Variants in TBCD observed in about 807,000 individuals in gnomAD.
TBCD encodes the protein tubulin folding cofactor D, also known as tubulin-specific chaperone D.
TBCD carries 105 observed loss-of-function variants against 169.3 expected under a neutral mutation model. The observed-to-expected ratio is 0.62, with a 90% CI of 0.53 to 0.73. The LOEUF (loss-of-function observed/expected upper bound fraction) is 0.73. Among genes scored for constraint, TBCD ranks in the 30% least tolerant of loss-of-function variants. TBCD has a pLI of 0.00. For missense variants in TBCD, 1,444 were observed against 1,600.1 expected, an observed-to-expected ratio of 0.90 and a Z score of 1.66; for synonymous variants, 700 against 643.9, an observed-to-expected ratio of 1.09 and a Z score of -1.32.
At chr17:82,881,953 A>G (rs374427690) in intron 14 of TBCD, among the ~76,000 whole-genome samples, 3 of 150,800 alleles carry the variant, frequency 2.0e-5, no homozygotes, top group East Asian at 3.9e-4. Flanking sequence ...TCCTAGGCAG[A>G]GCCTGTGAGA....
At chr17:82,862,502 A>T (rs2056853276) in intron 13 of TBCD, among the ~76,000 whole-genome samples, 1 of 151,946 alleles carries the variant, frequency 6.6e-6, no homozygotes, top group Non-Finnish European at 1.5e-5. Flanking sequence ...TTGGGTGAAT[A>T]ATGTGTGATG....
chr17:82,756,169 A>C lies in TBCD; in HGVS notation c.189A>C (p.Ile63=). Reference sequence around the variant, plus strand: ...TCATGTTATATTTGTTTTTAGTAATAATGGACAAATACCAGGAGCAGCCTC... The same window carrying C: ...TCATGTTATATTTGTTTTTAGTAATCATGGACAAATACCAGGAGCAGCCTC... ...REVALERFRV[I]MDKYQEQPHL... The change falls in exon 2 of 39, where the codon ATA becomes ATC. Residue 63 remains isoleucine, a synonymous_variant. Coordinates refer to ENST00000355528, the MANE Select transcript of TBCD (RefSeq NM_005993.5). The C allele has an allele frequency of 6.2e-7, 1 of 1,608,208 alleles. No individual in the cohort carries two copies. Among genetic ancestry groups the C allele is most frequent in the Admixed American group, 1.7e-5 (1 of 59,242 alleles).
chr17:82,902,477 C>T (rs1327565882), intron 18 of TBCD, among the ~76,000 whole-genome samples: 1 of 152,238 alleles, frequency 6.6e-6, no homozygotes, highest in African/African-American at 2.4e-5. Context: ...CGATGGTCTT[C>T]TAGACAGCAT....
At chr17:82,840,785 A>G (rs1421448637) in intron 13 of TBCD, among the ~76,000 whole-genome samples, 1 of 152,120 alleles carries the variant, frequency 6.6e-6, no homozygotes, top group East Asian at 1.9e-4. Context: ...TGCTTGCTTA[A>G]TCGGAGGCCG....
At position 82,768,430 on chromosome 17, in the gene TBCD, C is replaced by G; in HGVS notation, c.446C>G (p.Thr149Ser). 6.2e-7 allele frequency: 1 copy of G among 1,613,880 alleles called. No homozygotes were observed. Among genetic ancestry groups the G allele is most frequent in the South Asian group, 1.1e-5 (1 of 91,066 alleles). The change falls in exon 5 of 39, where the codon ACC becomes AGC. Residue 149 changes from threonine to serine, a missense_variant. Thr to Ser is a moderately conservative substitution (Grantham distance 58). Transcript: ENST00000355528. Reference protein sequence around the residue: ...QNPKDHEAWETRYMLLLWLSV... With the variant: ...QNPKDHEAWESRYMLLLWLSV... ...GGTTTAATTTTTTAGGCTTGGGAAACCCGCTACATGCTTTTGCTCTGGCTC... is the reference window on the plus strand; with the variant it reads ...GGTTTAATTTTTTAGGCTTGGGAAAGCCGCTACATGCTTTTGCTCTGGCTC...
In TBCD at chr17:82,880,946, C is replaced by T. The variant is rs1490691191; in HGVS notation, c.1476-3199C>T. Reference sequence around the variant, plus strand: ...GGAACTCGGGGAAGGAGGCCGTGTACTCCCATAGCTCTGGGCTCTGTTTGT... The same window carrying T: ...GGAACTCGGGGAAGGAGGCCGTGTATTCCCATAGCTCTGGGCTCTGTTTGT... On this transcript the variant is annotated intron_variant, in intron 14 of 38. Coordinates refer to ENST00000355528, the MANE Select transcript of TBCD (RefSeq NM_005993.5). This position sits in a 1 kb window ranked among gnomAD's most constrained non-coding sequence, Gnocchi z 5.0. Among the ~76,000 whole-genome samples, 1 of 152,152 alleles carries T rather than the reference C, an allele frequency of 6.6e-6. No individual in the cohort carries two copies. Among genetic ancestry groups the T allele is most frequent in the Non-Finnish European group, 1.5e-5 (1 of 68,020 alleles).
chr17:82,927,579 C>A (rs769615284), intron 29 of TBCD, among the ~76,000 whole-genome samples: 1 of 152,082 alleles, frequency 6.6e-6, no homozygotes, highest in Admixed American at 6.5e-5. Context: ...TGAGGGAGGA[C>A]GCGTCTTCAA....
At chr17:82,926,259 G>A (rs1325938583) in intron 27 of TBCD, 141 bp from the exon 28 acceptor site, 3 of 757,984 alleles carry the variant, frequency 4.0e-6, no homozygotes, top group South Asian at 3.4e-5. Context: ...AGGGGCCATG[G>A]ATGGCCGTGA....
chr17:82,827,630 ACT>A (rs771496408), intron 13 of TBCD, among the ~76,000 whole-genome samples: 1 of 152,290 alleles, frequency 6.6e-6, no homozygotes, highest in East Asian at 1.9e-4. Context: ...ACATGTGCAC[ACT>A]GACACATGCA....
rs2049540510 is a variant in TBCD, at chr17:82,789,425, A to G, written c.771+7704A>G. Among the ~76,000 whole-genome samples the G allele has an allele frequency of 6.6e-6, 1 of 152,112 alleles. No homozygotes were observed. Among genetic ancestry groups the G allele is most frequent in the South Asian group, 2.1e-4 (1 of 4,836 alleles). On this transcript the variant is annotated intron_variant, in intron 7 of 38. Coordinates refer to ENST00000355528, the MANE Select transcript of TBCD (RefSeq NM_005993.5). The surrounding 1 kb of genome is among the most constrained non-coding windows in gnomAD (Gnocchi z 4.8). ...TCGCGGGGTCATGTGCTAGACGGGGAGGGGGCTTGGCGGGTCACCAGCCTC... is the reference window on the plus strand; with the variant it reads ...TCGCGGGGTCATGTGCTAGACGGGGGGGGGGCTTGGCGGGTCACCAGCCTC...
chr17:82,920,904 A>C lies in TBCD; in HGVS notation c.2101+286A>C. ...GGCACTCTGGGTCAGTTCTTCTCCC[A>C]GGCAGACAGTCGGGAGCTGCAGCCA... is the stretch of plus-strand genomic sequence containing the variant. On this transcript the variant is annotated intron_variant, in intron 24 of 38. Transcript: ENST00000355528. The surrounding 1 kb of genome is among the most constrained non-coding windows in gnomAD (Gnocchi z 4.1). 2 of 428,008 alleles carry C rather than the reference A, an allele frequency of 4.7e-6. No individual in the cohort carries two copies. Among genetic ancestry groups the C allele is most frequent in the Non-Finnish European group, 8.4e-6 (2 of 238,400 alleles). The allele number at this position is 428,008 out of a possible 1,614,324, so 26.5% of individuals were successfully genotyped here.
Position 82,920,710 on chromosome 17 carries a change from A to G in TBCD, c.2101+92A>G, listed in dbSNP as rs569071901. ...GAACCTGTTAGGATGGGGGCGATAA[A>G]CGATTATAGCTTAAAGGTTCAAGAT... On this transcript the variant is annotated intron_variant, in intron 24 of 38. Transcript: ENST00000355528. This position sits in a 1 kb window ranked among gnomAD's most constrained non-coding sequence, Gnocchi z 4.1. 6 of 1,107,042 alleles carry G rather than the reference A, an allele frequency of 5.4e-6. No homozygotes were observed. In the African/African-American group the frequency reaches 9.6e-5, roughly 18 times the overall value. The allele number at this position is 1,107,042 out of a possible 1,614,324, so 68.6% of individuals were successfully genotyped here.
intron 1 of TBCD, among the ~76,000 whole-genome samples, chr17:82,753,868 GTTTTT>G (rs57196730): frequency 8.0e-6 from 1 of 125,328 alleles, no homozygotes. Context: ...TAGACTAGAG[GTTTTT>G]TTTTTTTTTT....
chr17:82,925,233 C>G (rs1268199842), intron 27 of TBCD, among the ~76,000 whole-genome samples, 176 bp downstream of exon 27: 5 of 152,240 alleles, frequency 3.3e-5, no homozygotes, highest in African/African-American at 1.2e-4. Flanking sequence ...CACCCAAGGT[C>G]TGTGGCCCCT....
intron 25 of TBCD, among the ~76,000 whole-genome samples, chr17:82,921,798 T>G (rs1354683807): frequency 1.3e-5 from 2 of 152,394 alleles, no homozygotes; most frequent in Middle Eastern, 3.4e-3. Context: ...AATGTTTAAT[T>G]TTTTATTGCT....
At chr17:82,883,377 C>G (rs953297721) in intron 14 of TBCD, among the ~76,000 whole-genome samples, 34 of 152,384 alleles carry the variant, frequency 2.2e-4, no homozygotes, top group African/African-American at 6.7e-4. Context: ...CCCCAAACCC[C>G]CTGTGTTCTG....
rs929273178 is a variant in TBCD at position 82,752,361 on chromosome 17, C to T, written c.168C>T (p.Ala56=). The T allele has an allele frequency of 4.1e-5, 56 of 1,365,524 alleles. No individual in the cohort carries two copies. The highest frequency in any genetic ancestry group is 4.8e-5 in the Non-Finnish European group (51 of 1,070,398). The allele number at this position is 1,365,524 out of a possible 1,614,324, so 84.6% of individuals were successfully genotyped here. The stretch of plus-strand genomic sequence containing the variant: ...GCGGCGGCGCGGAGCGCGAGGTGGC[C>T]CTGGAGCGGTTCCGCGGTGCGTGGG... ...VHGGGAEREV[A]LERFRVIMDK... Residue 56 remains alanine (A), a synonymous_variant, in exon 1 of 39, where the codon GCC becomes GCT. Transcript: ENST00000355528.
Position 82,920,726 on chromosome 17 carries a change from G to A in TBCD, c.2101+108G>A, listed in dbSNP as rs912117922. On this transcript the variant is annotated intron_variant, in intron 24 of 38. Transcript: ENST00000355528. The surrounding 1 kb of genome is among the most constrained non-coding windows in gnomAD (Gnocchi z 4.1). ...GGGCGATAAACGATTATAGCTTAAA[G>A]GTTCAAGATATTAATCGGATACGTT... The A allele has an allele frequency of 1.7e-4, 176 of 1,007,258 alleles. 1 individual carries two copies. The highest frequency in any genetic ancestry group is 9.4e-4 in the Middle Eastern group (3 of 3,202). The allele number at this position is 1,007,258 out of a possible 1,614,324, so 62.4% of individuals were successfully genotyped here. A position where few individuals can be genotyped will look rare whatever the true frequency, so the allele number is the denominator to read the frequency against.
chr17:82,904,241 C>A lies in TBCD; in HGVS notation c.1804+763C>A, dbSNP rs140787629. Among the ~76,000 whole-genome samples the A allele has an allele frequency of 9.4e-3, 1,384 of 146,906 alleles. 30 individuals are homozygous for A. The highest frequency in any genetic ancestry group is 0.033 in the African/African-American group (1,287 of 39,032). On this transcript the variant is annotated intron_variant, in intron 19 of 38. Coordinates refer to ENST00000355528, the MANE Select transcript of TBCD (RefSeq NM_005993.5). ...CACTCCTTGGTCTCTAGGTGGCTTG[C>A]ACCTGCCACATGACACTCCTTGGTC...
Sources: allele counts gnomAD v4.1 joint callset (sites outside exome capture counted in the v4.1 genomes callset), GRCh38; gene constraint gnomAD v4.1.1; non-coding constraint Gnocchi (gnomAD v3.1); transcripts MANE v1.5; gene names NCBI Gene and HGNC (gene_info 2026-07-23, HGNC 2026-07-21).